Variants in KTN1 observed in about 807,000 individuals in gnomAD.
KTN1 encodes kinectin.
KTN1 carries 130 observed loss-of-function variants against 222.5 expected under a neutral mutation model. The observed-to-expected ratio is 0.58, with a 90% CI of 0.51 to 0.68. The LOEUF (loss-of-function observed/expected upper bound fraction) is 0.68, where lower values mean the gene tolerates loss of function less well. KTN1 is among the 30% of genes least tolerant of loss of function. The pLI, the probability that KTN1 is intolerant of heterozygous loss-of-function variation, is 0.00. For missense variants in KTN1, 1,508 were observed against 1,500.4 expected (o/e 1.01, Z -0.08); for synonymous variants, 512 against 496.3 (o/e 1.03, Z -0.42).
chr14:55,608,864 A>G (rs2037138289), intron 1 of KTN1, among the ~76,000 whole-genome samples: 1 of 151,956 alleles, frequency 6.6e-6, no homozygotes, highest in Admixed American at 6.6e-5. Context: ...TCCTGACCTC[A>G]AGTGATCCGC....
intron 27 of KTN1, 134 bp from the exon 28 acceptor site, chr14:55,653,425 A>G (rs1218281945): frequency 4.6e-6 from 3 of 649,630 alleles, no homozygotes; most frequent in African/African-American, 3.7e-5. Context: ...TGCTTTATAA[A>G]TGACCCAATC....
chr14:55,589,745 G>A (rs940526650), intron 1 of KTN1, among the ~76,000 whole-genome samples: 1 of 134,078 alleles, frequency 7.5e-6, no homozygotes, highest in African/African-American at 2.8e-5. Context: ...TGCAACCTCC[G>A]CCTCCCAGGT....
intron 29 of KTN1, 83 bp downstream of exon 29, chr14:55,656,215 A>G: frequency 2.2e-6 from 2 of 909,720 alleles, no homozygotes; most frequent in Non-Finnish European, 1.7e-6. Context: ...GCTGCCAAAA[A>G]ATAGAGTACA....
At chr14:55,679,541 T>C in intron 42 of KTN1, 24 bp from the exon 43 acceptor site, 2 of 1,586,976 alleles carry the variant, frequency 1.3e-6, no homozygotes, top group Non-Finnish European at 1.7e-6. Context: ...ATGGAGTTTA[T>C]CATCACTTCC....
At chr14:55,680,677 T>A in intron 43 of KTN1, 1 of 1,364,472 alleles carries the variant, frequency 7.3e-7, no homozygotes, top group Non-Finnish European at 9.8e-7. Flanking sequence ...GCGTTTTGTC[T>A]CACTTTAGAG....
intron 7 of KTN1, among the ~76,000 whole-genome samples, chr14:55,631,341 G>GATATATATATATATATATATATATATAT (rs56190231): frequency 1.6e-4 from 18 of 114,698 alleles, no homozygotes; most frequent in African/African-American, 5.5e-4. Context: ...TGATAAGGTT[G>GATATATATATATATATATATATATATAT]ATATATATAT....
rs759279564 is a variant in KTN1 at position 55,659,652 on chromosome 14, A to G, written c.2962-14A>G. The G allele has an allele frequency of 1.4e-6, 2 of 1,453,650 alleles. No homozygotes were observed. Among genetic ancestry groups the G allele is most frequent in the Non-Finnish European group, 1.9e-6 (2 of 1,036,730 alleles). 90.0% of individuals were successfully genotyped at this position (1,453,650 alleles called of 1,614,324 possible). On this transcript the variant is annotated splice_polypyrimidine_tract_variant and intron_variant, in intron 30 of 43. Transcript: ENST00000395314. ...AAAGTTTTGTTCTGAAATAACATTT[A>G]ACTCTTTTGATAGGCATCTTCTTTT...
intron 35 of KTN1, among the ~76,000 whole-genome samples, chr14:55,671,142 G>T (rs1172313800): frequency 2.0e-5 from 3 of 152,168 alleles, no homozygotes; most frequent in Non-Finnish European, 4.4e-5. Flanking sequence ...GTTTGCTGAA[G>T]CATCCCCAAA....
Position 55,650,631 on chromosome 14 carries a change from T to C in KTN1, c.2559T>C (p.Ala853=). ...TAGGAAATGTCCAGCTTGAAAAGGCTCAACAGGTAAAAATCCCAGAGCCAT... is the reference window on the plus strand; with the variant it reads ...TAGGAAATGTCCAGCTTGAAAAGGCCCAACAGGTAAAAATCCCAGAGCCAT... ...EEIGNVQLEK[A]QQLSITSKVQ... is the part of the protein sequence containing the mutation. Residue 853 remains alanine, a synonymous_variant, in exon 24 of 44, where the codon GCT becomes GCC. Transcript: ENST00000395314. 2 of 1,606,904 alleles carry C rather than the reference T, an allele frequency of 1.2e-6. No individual in the cohort carries two copies. The highest frequency in any genetic ancestry group is 1.7e-6 in the Non-Finnish European group (2 of 1,173,848).
intron 35 of KTN1, chr14:55,671,228 T>C (rs2045420010): frequency 1.1e-5 from 3 of 271,166 alleles, no homozygotes; most frequent in African/African-American, 2.2e-5. Context: ...TTTATTATTA[T>C]TGTTTTCTTG....
In KTN1 at chr14:55,664,049, T is replaced by C. The variant is rs1461698733; in HGVS notation, c.3177+8T>C. The C allele has an allele frequency of 1.3e-6, 2 of 1,588,068 alleles. No homozygotes were observed. Among genetic ancestry groups the C allele is most frequent in the African/African-American group, 1.3e-5 (1 of 74,174 alleles). The stretch of plus-strand genomic sequence containing the variant: ...GTGAACAAGACTTCCAAGGTTGTAA[T>C]GCTAACTCCTAGAAACAATCCACTG... On this transcript the variant is annotated splice_region_variant and intron_variant, in intron 33 of 43. Coordinates refer to ENST00000395314, the MANE Select transcript of KTN1 (RefSeq NM_001079521.2).
chr14:55,656,514 G>T (rs370914098), intron 29 of KTN1, among the ~76,000 whole-genome samples: 2 of 152,034 alleles, frequency 1.3e-5, no homozygotes, highest in African/African-American at 4.8e-5. Context: ...GCTCAGGCTG[G>T]AGTACAGTGG....
At chr14:55,654,597 A>T (rs1324625315) in intron 28 of KTN1, among the ~76,000 whole-genome samples, 10 of 150,368 alleles carry the variant, frequency 6.7e-5, no homozygotes, top group Middle Eastern at 3.4e-3. Flanking sequence ...TTTGTGGTGG[A>T]GAACTTTTTA....
intron 1 of KTN1, among the ~76,000 whole-genome samples, chr14:55,583,447 G>A (rs1234380146): frequency 1.3e-5 from 2 of 152,084 alleles, no homozygotes; most frequent in Non-Finnish European, 2.9e-5. Flanking sequence ...AGTATTTTAC[G>A]AATCGTCCTA....
intron 1 of KTN1, among the ~76,000 whole-genome samples, chr14:55,580,610 A>C: frequency 6.6e-6 from 1 of 150,796 alleles, no homozygotes; most frequent in Non-Finnish European, 1.5e-5. Context: ...TCTGGGCCCG[A>C]CCCCGGCTCT....
At chr14:55,591,581 CTTTTTTTTTTT>C (rs71131297) in intron 1 of KTN1, among the ~76,000 whole-genome samples, 24 of 87,710 alleles carry the variant, frequency 2.7e-4, no homozygotes, top group Middle Eastern at 7.5e-3. Flanking sequence ...TTCTCTCTTT[CTTTTTTTTTTT>C]TTTTTTTTTT....
chr14:55,593,199 C>T (rs2034434532), intron 1 of KTN1, among the ~76,000 whole-genome samples: 1 of 152,100 alleles, frequency 6.6e-6, no homozygotes, highest in Non-Finnish European at 1.5e-5. Context: ...AAACCTCTAT[C>T]TCCTTCTTTA....
chr14:55,634,246 T>C (rs1428979962), intron 8 of KTN1, among the ~76,000 whole-genome samples: 1 of 152,202 alleles, frequency 6.6e-6, no homozygotes, highest in Non-Finnish European at 1.5e-5. Context: ...ACTGGCTGAT[T>C]TTTAATACGT....
intron 2 of KTN1, among the ~76,000 whole-genome samples, chr14:55,613,653 G>A (rs996757163): frequency 7.6e-6 from 1 of 131,998 alleles, no homozygotes; most frequent in South Asian, 2.6e-4. Flanking sequence ...ATTTTTAGTA[G>A]AGATGGGGTT....
Sources: allele counts gnomAD v4.1 joint callset (sites outside exome capture counted in the v4.1 genomes callset), GRCh38; gene constraint gnomAD v4.1.1; transcripts MANE v1.5; gene names NCBI Gene and HGNC (gene_info 2026-07-23, HGNC 2026-07-21).